ABR: variants seen among roughly 807,000 people sequenced by gnomAD.
ABR encodes active breakpoint cluster region-related protein.
Under a neutral mutation model 107.2 loss-of-function variants are expected in ABR, and 35 were observed. That is an observed-to-expected ratio of 0.33 (90% CI 0.25 to 0.43). The LOEUF (loss-of-function observed/expected upper bound fraction) is 0.43. ABR is among the 20% of genes least tolerant of loss of function. The pLI, the probability that ABR is intolerant of heterozygous loss-of-function variation, is 1.00. For missense variants in ABR, 815 were observed against 1,115.2 expected (o/e 0.73, Z 3.83); for synonymous variants, 498 against 462.0 (o/e 1.08, Z -1.00).
rs1421914353 is a variant in ABR at position 1,092,922 on chromosome 17, C to T, written c.346-1072G>A. ...CTCGGCTCCGCCTCCCGGGTTCACG[C>T]CATTCTCCTGCCTCAGCCTCCCAAG... On this transcript the variant is annotated intron_variant, in intron 3 of 22. Coordinates refer to ENST00000302538, the MANE Select transcript of ABR (RefSeq NM_021962.5). The surrounding 1 kb of genome is among the most constrained non-coding windows in gnomAD (Gnocchi z 4.6). Among the ~76,000 whole-genome samples the T allele has an allele frequency of 6.7e-6, 1 of 150,372 alleles. No homozygotes were observed. Among genetic ancestry groups the T allele is most frequent in the African/African-American group, 2.4e-5 (1 of 41,066 alleles).
At chr17:1,049,956 T>C (rs1334721988) in intron 16 of ABR, 94 bp downstream of exon 16, 4 of 1,489,730 alleles carry the variant, frequency 2.7e-6, no homozygotes, top group Non-Finnish European at 3.6e-6. Context: ...GGAACCAAAA[T>C]CACGAAAGAG....
intron 1 of ABR, among the ~76,000 whole-genome samples, chr17:1,215,364 G>A (rs950392851): frequency 1.1e-4 from 17 of 152,110 alleles, no homozygotes; most frequent in African/African-American, 3.1e-4. Context: ...TCAGCCTGCC[G>A]AGTGCCTGCG....
intron 10 of ABR, among the ~76,000 whole-genome samples, chr17:1,064,057 C>G (rs1597628717): frequency 7.1e-6 from 1 of 140,300 alleles, no homozygotes; most frequent in African/African-American, 2.6e-5. Flanking sequence ...TATGCATGTT[C>G]CTCTAGACAC....
chr17:1,162,908 A>C (rs370337060), intron 1 of ABR, among the ~76,000 whole-genome samples: 1 of 152,058 alleles, frequency 6.6e-6, no homozygotes. Context: ...CCCGTCTCTA[A>C]TAAAAATACA....
chr17:1,067,013 C>CAT (rs2034808925), intron 10 of ABR, 64 bp downstream of exon 10: 1 of 1,571,120 alleles, frequency 6.4e-7, no homozygotes, highest in African/African-American at 1.3e-5. Flanking sequence ...CAACTTCCTG[C>CAT]CTCCACCTCC....
At chr17:1,008,111 G>A (rs762456813) in intron 21 of ABR, among the ~76,000 whole-genome samples, 3 of 152,128 alleles carry the variant, frequency 2.0e-5, no homozygotes, top group Non-Finnish European at 4.4e-5. Flanking sequence ...GTGGGACCCA[G>A]GATTGTCCTC....
At chr17:1,147,103 C>G (rs2040587662) in intron 1 of ABR, among the ~76,000 whole-genome samples, 1 of 152,250 alleles carries the variant, frequency 6.6e-6, no homozygotes. Context: ...TCAGTCCTGG[C>G]TAACAAACTG....
intron 2 of ABR, among the ~76,000 whole-genome samples, chr17:1,120,687 C>T (rs570420913): frequency 6.6e-6 from 1 of 152,320 alleles, no homozygotes; most frequent in East Asian, 1.9e-4. Flanking sequence ...TGCCAAACAC[C>T]ATCTCACAGA....
chr17:1,178,370 C>T (rs1291295366), intron 1 of ABR, among the ~76,000 whole-genome samples: 3 of 152,042 alleles, frequency 2.0e-5, no homozygotes, highest in Non-Finnish European at 2.9e-5. Flanking sequence ...TTGAGACCAG[C>T]CTGGCCTCAT....
In ABR at chr17:1,157,507, T is replaced by A. The variant is rs1008425921; in HGVS notation, c.61+22160A>T. Among the ~76,000 whole-genome samples, 1 of 152,014 alleles carries A rather than the reference T, an allele frequency of 6.6e-6. No homozygotes were observed. Among genetic ancestry groups the A allele is most frequent in the African/African-American group, 2.4e-5 (1 of 41,326 alleles). On this transcript the variant is annotated intron_variant, in intron 1 of 22. Transcript: ENST00000302538. The surrounding 1 kb of genome is among the most constrained non-coding windows in gnomAD (Gnocchi z 4.7). Reference sequence around the variant, plus strand: ...CTCATGTGATCTGCCTGCCTCGGCCTCCCAAAGTGCTGGGATTACAGGCGT... The same window carrying A: ...CTCATGTGATCTGCCTGCCTCGGCCACCCAAAGTGCTGGGATTACAGGCGT...
chr17:1,010,796 C>T lies in ABR; in HGVS notation c.2169G>A (p.Leu723=), dbSNP rs2070468291. 1.2e-6 allele frequency: 2 copies of T among 1,613,876 alleles called. No individual in the cohort carries two copies. The highest frequency in any genetic ancestry group is 1.7e-6 in the Non-Finnish European group (2 of 1,180,020). Residue 723 remains leucine (L), a synonymous_variant, in exon 20 of 23, where the codon CTG becomes CTA. Transcript: ENST00000302538. The surrounding 1 kb of genome is among the most constrained non-coding windows in gnomAD (Gnocchi z 4.1). ...GCGGCTCGGGCAGTTCCCGGAAGTA[C>T]AGCTTGAGCGTCCCGGCGATGGCGT... ...DINAIAGTLK[L]YFRELPEPLL...
rs539176734 is a variant in ABR at position 1,201,920 on chromosome 17, G to A, written c.838+26873C>T. Among the ~76,000 whole-genome samples, 20 of 152,174 alleles carry A rather than the reference G, an allele frequency of 1.3e-4. No individual in the cohort carries two copies. The South Asian group carries it at 2.7e-3, about 20-fold the overall frequency. On this transcript the variant is annotated intron_variant, in intron 1 of 22. Transcript: ENST00000574139. ...TCTCGATCTCCTGACCTCGTGATCC[G>A]CCCGCGTCGGCCTCCCAAAGTGCTG...
chr17:1,043,799 G>A (rs1465731084), intron 16 of ABR, among the ~76,000 whole-genome samples: 3 of 152,258 alleles, frequency 2.0e-5, no homozygotes, highest in Admixed American at 6.5e-5. Context: ...TGCCCTGGCA[G>A]GCACGTGGGG....
intron 9 of ABR, among the ~76,000 whole-genome samples, chr17:1,067,828 C>G (rs933531986): frequency 6.6e-6 from 1 of 152,216 alleles, no homozygotes; most frequent in Non-Finnish European, 1.5e-5. Context: ...TCGCAAAGGA[C>G]GACAGGCAGA....
rs1278096590 is a variant in ABR, at chr17:1,051,557, C to A, written c.1562-923G>T. On this transcript the variant is annotated intron_variant, in intron 14 of 22. Coordinates refer to ENST00000302538, the MANE Select transcript of ABR (RefSeq NM_021962.5). This position sits in a 1 kb window ranked among gnomAD's most constrained non-coding sequence, Gnocchi z 4.3. ...CACGGACCCCAGGCCCTCTGCAAAC[C>A]CACACCCGCCCTGGGCTCGGACCCC... is the stretch of plus-strand genomic sequence containing the variant. 1.1e-4 allele frequency among the ~76,000 whole-genome samples: 17 copies of A among 152,194 alleles called. No individual in the cohort carries two copies. The highest frequency in any genetic ancestry group is 1.2e-4 in the Non-Finnish European group (8 of 68,028).
At chr17:1,103,679 A>G (rs1293033350) in intron 2 of ABR, among the ~76,000 whole-genome samples, 1 of 152,148 alleles carries the variant, frequency 6.6e-6, no homozygotes, top group African/African-American at 2.4e-5. Flanking sequence ...ATGGGAAGAC[A>G]ACTCAGGAAG....
chr17:1,185,833 A>T (rs1164841053), intron 1 of ABR, among the ~76,000 whole-genome samples: 1 of 151,408 alleles, frequency 6.6e-6, no homozygotes, highest in Non-Finnish European at 1.5e-5. Flanking sequence ...AGCATTTACT[A>T]TTCTTTTTTT....
intron 1 of ABR, among the ~76,000 whole-genome samples, chr17:1,192,555 T>C (rs1367890219): frequency 1.3e-5 from 2 of 151,684 alleles, no homozygotes; most frequent in Non-Finnish European, 2.9e-5. Flanking sequence ...GGTGGGCGGA[T>C]CACCTGAGGC....
chr17:1,100,313 G>A (rs908339874), intron 3 of ABR, among the ~76,000 whole-genome samples: 3 of 152,176 alleles, frequency 2.0e-5, no homozygotes, highest in Admixed American at 6.5e-5. Context: ...GAAGGCGCTC[G>A]GCCCCCGCCC....
Sources: allele counts gnomAD v4.1 joint callset (sites outside exome capture counted in the v4.1 genomes callset), GRCh38; gene constraint gnomAD v4.1.1; non-coding constraint Gnocchi (gnomAD v3.1); transcripts MANE v1.5; gene names NCBI Gene and HGNC (gene_info 2026-07-23, HGNC 2026-07-21).